The following LRP6 variants were observed in gnomAD, a reference collection of about 807,000 sequenced individuals.
The protein encoded by LRP6 is low-density lipoprotein receptor-related protein 6.
LRP6 carries 43 observed loss-of-function variants against 184.1 expected under a neutral mutation model. The ratio of observed to expected loss-of-function variants is 0.23; its 90% CI spans 0.18 to 0.30. The LOEUF is 0.30. LRP6 is among the 10% of genes least tolerant of loss of function. The pLI is 1.00. For missense variants in LRP6, 1,571 were observed against 2,005.3 expected (o/e 0.78, Z 4.14); for synonymous variants, 719 against 684.9 (o/e 1.05, Z -0.78).
At chr12:12,174,300 C>T (rs1205541294) in intron 7 of LRP6, among the ~76,000 whole-genome samples, 5 of 151,910 alleles carry the variant, frequency 3.3e-5, no homozygotes, top group African/African-American at 7.3e-5. Context: ...TTAGTAGAGA[C>T]GGGGTTTCAC....
chr12:12,251,792 CTTAATT>C (rs1865331657), intron 1 of LRP6, among the ~76,000 whole-genome samples: 1 of 152,168 alleles, frequency 6.6e-6, no homozygotes, highest in Non-Finnish European at 1.5e-5. Context: ...TTATCATGTC[CTTAATT>C]ACTTAAAACT....
chr12:12,187,183 C>T, intron 3 of LRP6, 64 bp from the exon 4 acceptor site: 1 of 1,333,490 alleles, frequency 7.5e-7, no homozygotes, highest in Admixed American at 1.9e-5. Flanking sequence ...CATAACGTCA[C>T]CTCTCCCATT....
At chr12:12,219,838 A>G (rs1864440714) in intron 2 of LRP6, among the ~76,000 whole-genome samples, 1 of 152,176 alleles carries the variant, frequency 6.6e-6, no homozygotes, top group Non-Finnish European at 1.5e-5. Flanking sequence ...TTTTCCAGTC[A>G]GACAAACCAA....
chr12:12,185,488 A>C (rs542652068), intron 4 of LRP6, among the ~76,000 whole-genome samples: 1 of 152,362 alleles, frequency 6.6e-6, no homozygotes, highest in Non-Finnish European at 1.5e-5. Context: ...AGCTAATATA[A>C]AGCAACATAT....
At chr12:12,200,421 T>C (rs1863885083) in intron 3 of LRP6, among the ~76,000 whole-genome samples, 1 of 152,164 alleles carries the variant, frequency 6.6e-6, no homozygotes, top group Non-Finnish European at 1.5e-5. Flanking sequence ...AAGAGTAGGA[T>C]CTACCCGGGG....
intron 15 of LRP6, chr12:12,139,046 T>C (rs1382823773): frequency 5.3e-5 from 67 of 1,264,886 alleles, no homozygotes; most frequent in African/African-American, 6.2e-5. Flanking sequence ...ACTTCTGCTA[T>C]TGTTGCACAG....
chr12:12,120,892 T>C lies in LRP6; in HGVS notation c.*234A>G. 1 of 383,660 alleles carries C rather than the reference T, an allele frequency of 2.6e-6. No homozygotes were observed. Among genetic ancestry groups the C allele is most frequent in the Non-Finnish European group, 4.6e-6 (1 of 217,686 alleles). The allele number at this position is 383,660 out of a possible 1,614,324, so 23.8% of individuals were successfully genotyped here. On this transcript the variant is annotated 3_prime_UTR_variant, in exon 23 of 23. Transcript: ENST00000261349. ...CAAAAATAAAACTTTTAGTACAAAT[T>C]TTTTTTATACAAACTTTTATGGCAC...
intron 12 of LRP6, 61 bp downstream of exon 12, chr12:12,158,768 A>C: frequency 6.6e-7 from 1 of 1,524,322 alleles, no homozygotes; most frequent in Non-Finnish European, 9.1e-7. Context: ...CACACACTAA[A>C]GTACTTTGAA....
In LRP6 at chr12:12,266,916, GCGC is replaced by G; in HGVS notation, c.-184_-182del. On this transcript the variant is annotated 5_prime_UTR_variant, in exon 1 of 23. Transcript: ENST00000261349. ...GCGCGCCGCCGCCGCCCTCTCTACC[GCGC>G]CGCTCGGCCCCGGGCTCGCGCGACG... 1 of 632,538 alleles carries G rather than the reference GCGC, an allele frequency of 1.6e-6. No individual in the cohort carries two copies. 39.2% of individuals were successfully genotyped at this position (632,538 alleles called of 1,614,324 possible). A position where few individuals can be genotyped will look rare whatever the true frequency, so the allele number is the denominator to read the frequency against.
intron 7 of LRP6, among the ~76,000 whole-genome samples, chr12:12,167,266 C>T (rs1334852230): frequency 6.6e-6 from 1 of 152,090 alleles, no homozygotes; most frequent in African/African-American, 2.4e-5. Flanking sequence ...GATCAGCAAA[C>T]AGTATTGTGG....
At chr12:12,186,724 T>C (rs1474601977) in intron 4 of LRP6, 199 bp downstream of exon 4, 1 of 568,604 alleles carries the variant, frequency 1.8e-6, no homozygotes, top group Non-Finnish European at 3.2e-6. Context: ...AGTGGCGCAA[T>C]CTCAGCTCAC....
rs761565729 is a variant in LRP6 at position 12,131,897 on chromosome 12, C to T, written c.3894G>A (p.Gly1298=). The change falls in exon 18 of 23, where the codon GGG becomes GGA. Residue 1298 remains glycine (G), a synonymous_variant. Transcript: ENST00000261349. ...CSESQFQCAS[G]QCIDGALRCN... is the part of the protein sequence containing the mutation. Reference sequence around the variant, plus strand: ...ATCGGAGGGCACCATCAATACACTGCCCACTGGCACACTGGAACTGGGACT... The same window carrying T: ...ATCGGAGGGCACCATCAATACACTGTCCACTGGCACACTGGAACTGGGACT... 4 of 1,614,102 alleles carry T rather than the reference C, an allele frequency of 2.5e-6. No individual in the cohort carries two copies. The highest frequency in any genetic ancestry group is 2.7e-5 in the African/African-American group (2 of 74,934).
At chr12:12,203,423 A>C (rs200325754) in intron 2 of LRP6, 23 bp from the exon 3 acceptor site, 1 of 1,561,164 alleles carries the variant, frequency 6.4e-7, no homozygotes, top group Non-Finnish European at 8.8e-7. Flanking sequence ...AAAATAATTA[A>C]AGCCATGACA....
At chr12:12,236,325 C>T (rs1591975469) in intron 2 of LRP6, among the ~76,000 whole-genome samples, 1 of 152,172 alleles carries the variant, frequency 6.6e-6, no homozygotes, top group African/African-American at 2.4e-5. Context: ...AAATCTGCAA[C>T]AATTTGAGCA....
chr12:12,134,486 T>C (rs1217865147), intron 17 of LRP6, among the ~76,000 whole-genome samples: 1 of 152,218 alleles, frequency 6.6e-6, no homozygotes, highest in African/African-American at 2.4e-5. Context: ...AATTTAACAA[T>C]GGAATGTATC....
intron 17 of LRP6, among the ~76,000 whole-genome samples, chr12:12,132,379 G>T (rs576619694): frequency 2.6e-5 from 4 of 152,226 alleles, no homozygotes; most frequent in African/African-American, 7.2e-5. Flanking sequence ...AATTACCAAA[G>T]ACTTTAAAGT....
chr12:12,151,933 T>C (rs1950087074), intron 12 of LRP6, among the ~76,000 whole-genome samples: 1 of 152,130 alleles, frequency 6.6e-6, no homozygotes, highest in South Asian at 2.1e-4. Context: ...CAGATACTAT[T>C]TTGTTGTTTA....
At chr12:12,247,009 C>T (rs1297118312) in intron 1 of LRP6, among the ~76,000 whole-genome samples, 1 of 152,176 alleles carries the variant, frequency 6.6e-6, no homozygotes, top group Non-Finnish European at 1.5e-5. Flanking sequence ...AATCTTTCTG[C>T]TTATTCTGTG....
At position 12,229,002 on chromosome 12, in the gene LRP6, G is replaced by A. The variant is rs561275644; in HGVS notation, c.449+15260C>T. 2.1e-4 allele frequency among the ~76,000 whole-genome samples: 32 copies of A among 152,298 alleles called. No individual in the cohort carries two copies. In the South Asian group the frequency reaches 6.4e-3, roughly 31 times the overall value. On this transcript the variant is annotated intron_variant, in intron 2 of 22. Transcript: ENST00000261349. ...GGACATGGTACAGGGATGTGATGCA[G>A]GAAAAGTCCTGAGGGAAAAAAACAT...
Sources: gnomAD v4.1 joint callset for allele counts (sites outside exome capture counted in the v4.1 genomes callset) on GRCh38, gnomAD v4.1.1 for gene constraint, MANE v1.5 for transcripts, NCBI Gene and HGNC (gene_info 2026-07-23, HGNC 2026-07-21) for gene names.